LAMA3: variants seen among roughly 807,000 people sequenced by gnomAD.
The protein encoded by LAMA3 is laminin subunit alpha-3.
In LAMA3, 281 loss-of-function variants were observed where a neutral mutation model predicts 402.0. The observed-to-expected ratio is 0.70, with a 90% CI of 0.63 to 0.77. The LOEUF is 0.77. LAMA3 is among the 30% of genes least tolerant of loss of function. LAMA3 has a pLI of 0.00. For synonymous variants in LAMA3, 1,431 were observed against 1,558.4 expected (o/e 0.92, Z 1.93); for missense variants, 3,840 against 4,215.5 (o/e 0.91, Z 2.47).
At position 23,833,943 on chromosome 18, in the gene LAMA3, G is replaced by T. The variant is rs1229899287; in HGVS notation, c.2939G>T (p.Gly980Val). 1.2e-6 allele frequency: 2 copies of T among 1,614,050 alleles called. No homozygotes were observed. The highest frequency in any genetic ancestry group is 2.7e-5 in the African/African-American group (2 of 74,904). The change falls in exon 24 of 75, where the codon GGG becomes GTG. Residue 980 changes from glycine (G) to valine (V), a missense_variant. Gly to Val is a moderately radical substitution (Grantham distance 109). Coordinates refer to ENST00000313654, the MANE Select transcript of LAMA3 (RefSeq NM_198129.4). The stretch of plus-strand genomic sequence containing the variant: ...GTTGATGTGAATGTGAAGAGCTCCG[G>T]GTCTGTTCTGGCAGGCCAGGTGAAC... Reference protein sequence around the residue: ...FVVDVNVKSSGSVLAGQVNIY... With the variant: ...FVVDVNVKSSVSVLAGQVNIY...
chr18:23,749,559 G>C lies in LAMA3; in HGVS notation c.684+13G>C, dbSNP rs1427866747. 2.1e-5 allele frequency: 29 copies of C among 1,407,656 alleles called. No individual in the cohort carries two copies. Among genetic ancestry groups the C allele is most frequent in the Non-Finnish European group, 2.9e-5 (29 of 991,608 alleles). The allele number at this position is 1,407,656 out of a possible 1,614,324, so 87.2% of individuals were successfully genotyped here. On this transcript the variant is annotated intron_variant, in intron 4 of 74. Transcript: ENST00000313654. ...GGAAAATGGTGAGGTAAGTAGATTT[G>C]GAAGACTGGGAGAGATAAGACTCAG...
At chr18:23,834,253 C>G in intron 24 of LAMA3, 1 of 453,650 alleles carries the variant, frequency 2.2e-6, no homozygotes, top group South Asian at 2.1e-5. Flanking sequence ...TGGCACAGCA[C>G]AACCTTTTTA....
At chr18:23,886,321 G>T (rs752964331) in intron 41 of LAMA3, among the ~76,000 whole-genome samples, 8 of 152,154 alleles carry the variant, frequency 5.3e-5, no homozygotes, top group Non-Finnish European at 1.0e-4. Context: ...ATGGATATTG[G>T]AAAGGATCAA....
chr18:23,905,555 A>G lies in LAMA3; in HGVS notation c.6649A>G (p.Lys2217Glu), dbSNP rs769473841. The change falls in exon 52 of 75, where the codon AAA (lysine) becomes GAA (glutamate). Residue 2217 changes from lysine (K) to glutamate (E), a missense_variant. Physicochemically the swap from Lys to Glu is moderately conservative, Grantham distance 56. Transcript: ENST00000313654. ...AAAGGAAGATCTGCCAAGAAAAGCT[A>G]AAACCCTGAGTTCCAACAGTGATAA... is the stretch of plus-strand genomic sequence containing the variant. ...VIKEDLPRKA[K>E]TLSSNSDKLL... 14 of 1,611,270 alleles carry G rather than the reference A, an allele frequency of 8.7e-6. No individual in the cohort carries two copies. The highest frequency in any genetic ancestry group is 2.7e-5 in the African/African-American group (2 of 74,858).
Position 23,949,791 on chromosome 18 carries a change from A to T in LAMA3, c.9378A>T (p.Gly3126=), listed in dbSNP as rs1424145397. Residue 3126 remains glycine (G), a synonymous_variant, in exon 71 of 75, where the codon GGA becomes GGT. Transcript: ENST00000313654. ...PKSLPTNSFV[G]CLKNFQLDSK... ...GCCTCCCCACAAACAGCTTTGTGGGATGCCTGAAGAACTTTCAGCTGGATT... is the reference window on the plus strand; with the variant it reads ...GCCTCCCCACAAACAGCTTTGTGGGTTGCCTGAAGAACTTTCAGCTGGATT... The T allele has an allele frequency of 1.2e-6, 2 of 1,614,016 alleles. No homozygotes were observed. Among genetic ancestry groups the T allele is most frequent in the South Asian group, 2.2e-5 (2 of 91,072 alleles).
At chr18:23,746,282 G>T (rs2061650571) in intron 2 of LAMA3, among the ~76,000 whole-genome samples, 1 of 152,132 alleles carries the variant, frequency 6.6e-6, no homozygotes, top group Non-Finnish European at 1.5e-5. Flanking sequence ...TCCTTCCTCA[G>T]AGATAAGCAA....
At chr18:23,755,864 CAT>C (rs767873931) in intron 6 of LAMA3, among the ~76,000 whole-genome samples, 9 of 152,216 alleles carry the variant, frequency 5.9e-5, no homozygotes, top group Non-Finnish European at 7.3e-5. Flanking sequence ...CTTTAAATAA[CAT>C]ATTTACAGCA....
chr18:23,708,412 C>T (rs1421916379), intron 1 of LAMA3, among the ~76,000 whole-genome samples: 1 of 152,168 alleles, frequency 6.6e-6, no homozygotes, highest in East Asian at 1.9e-4. Context: ...TTCAGGTTTT[C>T]ACTGGCATAA....
Position 23,890,079 on chromosome 18 carries a change from G to A in LAMA3, c.5372G>A (p.Ser1791Asn), listed in dbSNP as rs773297980. The change falls in exon 42 of 75, where the codon AGC (serine) becomes AAC (asparagine). Residue 1791 changes from serine (S) to asparagine (N), a missense_variant. Around this residue, in one of 3 missense-constraint regions of LAMA3, gnomAD observed 2,109 missense variants for 2,376.0 expected, o/e 0.89. Coordinates refer to ENST00000313654, the MANE Select transcript of LAMA3 (RefSeq NM_198129.4). The stretch of plus-strand genomic sequence containing the variant: ...AGCTGCCAACCATGCAGTTGTAACA[G>A]CAATGGCCAGCTGGGCAGCTGTCAT... ...GGSCQPCSCN[S>N]NGQLGSCHPL... 12 of 1,613,940 alleles carry A rather than the reference G, an allele frequency of 7.4e-6. No individual in the cohort carries two copies. The highest frequency in any genetic ancestry group is 9.3e-6 in the Non-Finnish European group (11 of 1,179,900).
chr18:23,693,281 C>T (rs2060626687), intron 1 of LAMA3, among the ~76,000 whole-genome samples: 2 of 152,072 alleles, frequency 1.3e-5, no homozygotes, highest in Non-Finnish European at 2.9e-5. Flanking sequence ...GAGCTGAGAT[C>T]GCGCCATTGC....
chr18:23,817,623 G>A (rs2063201844), intron 18 of LAMA3, among the ~76,000 whole-genome samples: 1 of 152,192 alleles, frequency 6.6e-6, no homozygotes, highest in African/African-American at 2.4e-5. Flanking sequence ...GCTGAGGCAG[G>A]AGGATAGCTT....
intron 74 of LAMA3, among the ~76,000 whole-genome samples, chr18:23,954,221 G>A (rs1386661578): frequency 6.6e-6 from 1 of 151,934 alleles, no homozygotes; most frequent in Non-Finnish European, 1.5e-5. Flanking sequence ...GGGCAACATA[G>A]TGAGACCCCA....
rs1037886541 is a variant in LAMA3 at position 23,950,178 on chromosome 18, C to T, written c.9642+19C>T. On this transcript the variant is annotated intron_variant, in intron 72 of 74. Coordinates refer to ENST00000313654, the MANE Select transcript of LAMA3 (RefSeq NM_198129.4). ...AGGAAAGGTGTGTAGCAGTCTGATG[C>T]CATGGGGAGGGTCTGTAGAAACCAG... The T allele has an allele frequency of 6.2e-7, 1 of 1,613,672 alleles. No homozygotes were observed.
At chr18:23,725,707 C>T (rs1382426724) in intron 2 of LAMA3, among the ~76,000 whole-genome samples, 1 of 152,174 alleles carries the variant, frequency 6.6e-6, no homozygotes, top group Non-Finnish European at 1.5e-5. Context: ...ACCAGAGGGG[C>T]CAGGTTTTGT....
intron 32 of LAMA3, among the ~76,000 whole-genome samples, chr18:23,854,172 T>G (rs1192734269): frequency 3.3e-5 from 5 of 152,210 alleles, no homozygotes; most frequent in Non-Finnish European, 7.3e-5. Context: ...CCTATATTAC[T>G]GACTGGCCAC....
chr18:23,903,265 A>G, intron 49 of LAMA3, 140 bp downstream of exon 49: 2 of 649,698 alleles, frequency 3.1e-6, no homozygotes, highest in Non-Finnish European at 2.8e-6. Context: ...TGAAATGTTA[A>G]CAATAGTTCT....
At chr18:23,690,895 A>G (rs1452824659) in intron 1 of LAMA3, among the ~76,000 whole-genome samples, 1 of 139,902 alleles carries the variant, frequency 7.1e-6, no homozygotes, top group Non-Finnish European at 1.5e-5. Context: ...TTATTTATTT[A>G]TTTATTTATT....
intron 8 of LAMA3, among the ~76,000 whole-genome samples, chr18:23,767,360 C>A (rs1372909301): frequency 6.6e-6 from 1 of 152,054 alleles, no homozygotes. Context: ...CTATAAAAAA[C>A]TATTCTAAAA....
At position 23,827,488 on chromosome 18, in the gene LAMA3, T is replaced by C. The variant is rs763302947; in HGVS notation, c.2823+21T>C. On this transcript the variant is annotated intron_variant, in intron 23 of 74. Coordinates refer to ENST00000313654, the MANE Select transcript of LAMA3 (RefSeq NM_198129.4). ...GAGAGGTGGGCCAGCCTTTTATTTA[T>C]TATCAAAGTTATTACTACCTCCCCA... The C allele has an allele frequency of 5.0e-6, 8 of 1,612,544 alleles. No individual in the cohort carries two copies. The East Asian group carries it at 1.6e-4, about 31-fold the overall frequency.
Sources: allele counts gnomAD v4.1 joint callset (sites outside exome capture counted in the v4.1 genomes callset), GRCh38; gene constraint gnomAD v4.1.1; regional missense constraint gnomAD v4.1.1; transcripts MANE v1.5; gene names NCBI Gene and HGNC (gene_info 2026-07-23, HGNC 2026-07-21).